The following ATXN7L1 variants were observed in gnomAD, a reference collection of about 807,000 sequenced individuals.
The protein encoded by ATXN7L1 is ataxin-7-like protein 1.
A neutral mutation model predicts 70.8 loss-of-function variants in ATXN7L1; 15 were observed. That is an observed-to-expected ratio of 0.21 (90% CI 0.14 to 0.33). The LOEUF (loss-of-function observed/expected upper bound fraction) is 0.33, where lower values mean the gene tolerates loss of function less well. ATXN7L1 is among the 10% of genes least tolerant of loss of function. The probability of loss-of-function intolerance (pLI) is 1.00; values close to 1 mark genes in which losing one functional copy is unlikely to be tolerated. For missense variants in ATXN7L1, 975 were observed against 1,097.1 expected, an observed-to-expected ratio of 0.89 and a Z score of 1.57; for synonymous variants, 440 against 445.1, an observed-to-expected ratio of 0.99 and a Z score of 0.14.
At chr7:105,664,618 T>A (rs2116064785) in intron 4 of ATXN7L1, among the ~76,000 whole-genome samples, 1 of 150,570 alleles carries the variant, frequency 6.6e-6, no homozygotes, top group East Asian at 2.0e-4. Flanking sequence ...TCACCCAGGC[T>A]GGAGTGCAGT....
rs1215109163 is a variant in ATXN7L1, at chr7:105,636,201, C to G, written c.1202+2152G>C. On this transcript the variant is annotated intron_variant, in intron 7 of 11. Coordinates refer to ENST00000419735, the MANE Select transcript of ATXN7L1 (RefSeq NM_020725.2). Reference sequence around the variant, plus strand: ...CCTGAGGTTAGGAGTTTGAGACCAACTTGGCCAACATGGTGAAACCCCATC... The same window carrying G: ...CCTGAGGTTAGGAGTTTGAGACCAAGTTGGCCAACATGGTGAAACCCCATC... Among the ~76,000 whole-genome samples the G allele has an allele frequency of 2.6e-5, 4 of 152,108 alleles. No individual in the cohort carries two copies. In the East Asian group the frequency reaches 7.7e-4, roughly 29 times the overall value.
intron 3 of ATXN7L1, among the ~76,000 whole-genome samples, chr7:105,697,375 T>C (rs1292707248): frequency 6.6e-6 from 1 of 152,238 alleles, no homozygotes; most frequent in African/African-American, 2.4e-5. Context: ...GAACGTTCCA[T>C]GCTGAGAAAA....
At chr7:105,693,268 T>C (rs145700519) in intron 3 of ATXN7L1, among the ~76,000 whole-genome samples, 1,853 of 152,244 alleles carry the variant, frequency 0.012, 33 homozygotes, top group African/African-American at 0.042. Flanking sequence ...CATAGCTCAC[T>C]GCAGCCTTGA....
intron 2 of ATXN7L1, among the ~76,000 whole-genome samples, chr7:105,822,766 G>C (rs1687299875): frequency 6.6e-6 from 1 of 152,198 alleles, no homozygotes; most frequent in African/African-American, 2.4e-5. Context: ...GTATGACCAA[G>C]TCCTCATTTC....
intron 3 of ATXN7L1, among the ~76,000 whole-genome samples, chr7:105,703,384 T>A (rs1356467848): frequency 6.6e-6 from 1 of 151,702 alleles, no homozygotes; most frequent in African/African-American, 2.4e-5. Flanking sequence ...CATTTCCAGG[T>A]CATCAGCTTG....
intron 3 of ATXN7L1, among the ~76,000 whole-genome samples, chr7:105,684,242 C>T (rs1289684429): frequency 6.6e-6 from 1 of 152,222 alleles, no homozygotes; most frequent in Non-Finnish European, 1.5e-5. Flanking sequence ...CCAGTCTAAT[C>T]CCCCTTCCAT....
intron 3 of ATXN7L1, among the ~76,000 whole-genome samples, chr7:105,754,399 T>TCC (rs1393158757): frequency 2.0e-5 from 3 of 150,970 alleles, no homozygotes; most frequent in Non-Finnish European, 3.0e-5. Flanking sequence ...TTTTCTTTCT[T>TCC]TCTTTTTTTT....
chr7:105,626,386 G>A (rs1017607391), intron 7 of ATXN7L1, among the ~76,000 whole-genome samples: 2 of 152,136 alleles, frequency 1.3e-5, no homozygotes, highest in Admixed American at 6.5e-5. Flanking sequence ...GGTATTTAGT[G>A]GATATACAGT....
At chr7:105,643,399 C>G (rs1455399496) in intron 4 of ATXN7L1, among the ~76,000 whole-genome samples, 1 of 152,208 alleles carries the variant, frequency 6.6e-6, no homozygotes, top group African/African-American at 2.4e-5. Flanking sequence ...CAACTCCCCA[C>G]TTCCCGGGCC....
At chr7:105,681,438 C>T (rs565495256) in intron 3 of ATXN7L1, among the ~76,000 whole-genome samples, 17 of 152,204 alleles carry the variant, frequency 1.1e-4, no homozygotes, top group African/African-American at 3.4e-4. Flanking sequence ...TTGGATCCCT[C>T]GTGCACTGTT....
At chr7:105,633,547 C>G (rs569323143) in intron 7 of ATXN7L1, among the ~76,000 whole-genome samples, 1 of 152,142 alleles carries the variant, frequency 6.6e-6, no homozygotes, top group Admixed American at 6.5e-5. Context: ...GTGAAACCCC[C>G]ATCTCTACTA....
chr7:105,735,374 C>CATCCCT (rs2116344838), intron 3 of ATXN7L1, among the ~76,000 whole-genome samples: 1 of 152,252 alleles, frequency 6.6e-6, no homozygotes, highest in South Asian at 2.1e-4. Context: ...AATGGAAGCT[C>CATCCCT]ATCCCTATTA....
chr7:105,835,486 G>A (rs1037619665), intron 2 of ATXN7L1, among the ~76,000 whole-genome samples: 4 of 151,808 alleles, frequency 2.6e-5, no homozygotes, highest in African/African-American at 4.8e-5. Context: ...AAAAGTTTCC[G>A]GAGGTAAGGG....
chr7:105,653,237 C>T (rs1165781739), intron 4 of ATXN7L1, among the ~76,000 whole-genome samples: 1 of 152,096 alleles, frequency 6.6e-6, no homozygotes, highest in African/African-American at 2.4e-5. Flanking sequence ...CACTTGAGGT[C>T]AGGAGTTGGA....
At chr7:105,703,953 G>C (rs1396322238) in intron 3 of ATXN7L1, among the ~76,000 whole-genome samples, 3 of 152,240 alleles carry the variant, frequency 2.0e-5, no homozygotes, top group Non-Finnish European at 4.4e-5. Context: ...GCCTGCATCT[G>C]TGGCAGAATT....
chr7:105,634,134 T>C lies in ATXN7L1; in HGVS notation c.1202+4219A>G, dbSNP rs74836592. ...GGGTCTCGGAAAAGCTGAGGAGTGA[T>C]AGGGAATGGGGCAATGAGCCACAGG... On this transcript the variant is annotated intron_variant, in intron 7 of 11. Transcript: ENST00000419735. Among the ~76,000 whole-genome samples, 2,511 of 152,256 alleles carry C rather than the reference T, an allele frequency of 0.016. 200 individuals are homozygous for C. The East Asian group carries it at 0.25, about 15-fold the overall frequency.
At chr7:105,739,179 G>A (rs17151834) in intron 3 of ATXN7L1, among the ~76,000 whole-genome samples, 36,032 of 152,066 alleles carry the variant, frequency 0.24, 4,616 homozygotes, top group Admixed American at 0.32. Flanking sequence ...TACAGAAAGC[G>A]TGGTCCCTGG....
rs115543580 is a variant in ATXN7L1, at chr7:105,756,297, C to T, written c.355+32307G>A. ...AGCCATGTTCTTAAGGAGGGCACAA[C>T]CCACCATAATCACTTTCTCATGAGC... On this transcript the variant is annotated intron_variant, in intron 3 of 11. Coordinates refer to ENST00000419735, the MANE Select transcript of ATXN7L1 (RefSeq NM_020725.2). 6.6e-3 allele frequency among the ~76,000 whole-genome samples: 1,009 copies of T among 152,220 alleles called. 15 individuals carry two copies. Among genetic ancestry groups the T allele is most frequent in the African/African-American group, 0.022 (930 of 41,514 alleles).
At chr7:105,685,959 G>A (rs1009400621) in intron 3 of ATXN7L1, among the ~76,000 whole-genome samples, 5 of 152,150 alleles carry the variant, frequency 3.3e-5, no homozygotes, top group Admixed American at 3.3e-4. Flanking sequence ...CAGGATCAAG[G>A]ATATCCCACA....
Sources: gnomAD v4.1 joint callset for allele counts (sites outside exome capture counted in the v4.1 genomes callset) on GRCh38, gnomAD v4.1.1 for gene constraint, MANE v1.5 for transcripts, NCBI Gene and HGNC (gene_info 2026-07-23, HGNC 2026-07-21) for gene names.